NXPH1: variants seen among roughly 807,000 people sequenced by gnomAD.
NXPH1 encodes the protein neurexophilin-1.
Under a neutral mutation model 23.7 loss-of-function variants are expected in NXPH1, and 5 were observed. That is an observed-to-expected ratio of 0.21 (90% CI 0.11 to 0.44). The LOEUF is 0.44. Among genes scored for constraint, NXPH1 ranks in the 20% least tolerant of loss-of-function variants. The pLI is 0.99. For missense variants in NXPH1, 324 were observed against 321.6 expected (o/e 1.01, Z -0.06); for synonymous variants, 144 against 122.2 (o/e 1.18, Z -1.18).
At chr7:8,603,194 T>A (rs1002862340) in intron 2 of NXPH1, among the ~76,000 whole-genome samples, 1 of 152,196 alleles carries the variant, frequency 6.6e-6, no homozygotes, top group Non-Finnish European at 1.5e-5. Context: ...GAATTGTTAT[T>A]GACTGTAAGT....
In NXPH1 at chr7:8,442,255, C is replaced by T. The variant is rs894471118; in HGVS notation, c.54+6488C>T. ...GCCTCATCTGCATGAGAATGGAGAA[C>T]CGGGAGGCTTTTCTTGTACTGTTTC... On this transcript the variant is annotated intron_variant, in intron 2 of 2. Coordinates refer to ENST00000405863, the MANE Select transcript of NXPH1 (RefSeq NM_152745.3). This position sits in a 1 kb window ranked among gnomAD's most constrained non-coding sequence, Gnocchi z 4.6. Among the ~76,000 whole-genome samples, 2 of 152,220 alleles carry T rather than the reference C, an allele frequency of 1.3e-5. No individual in the cohort carries two copies. Among genetic ancestry groups the T allele is most frequent in the Non-Finnish European group, 2.9e-5 (2 of 68,038 alleles).
intron 2 of NXPH1, among the ~76,000 whole-genome samples, chr7:8,486,861 CT>C (rs1817167577): frequency 6.6e-6 from 1 of 152,120 alleles, no homozygotes; most frequent in South Asian, 2.1e-4. Flanking sequence ...TTAAATATAA[CT>C]TCCTTAGTTA....
At chr7:8,626,695 A>G (rs1168189737) in intron 2 of NXPH1, among the ~76,000 whole-genome samples, 1 of 151,998 alleles carries the variant, frequency 6.6e-6, no homozygotes, top group Non-Finnish European at 1.5e-5. Flanking sequence ...GCCCTTCAGG[A>G]TCTGGTCCTT....
intron 2 of NXPH1, among the ~76,000 whole-genome samples, chr7:8,669,629 G>A (rs1820835145): frequency 6.6e-6 from 1 of 152,140 alleles, no homozygotes; most frequent in Admixed American, 6.5e-5. Flanking sequence ...CTGAGGTTCA[G>A]TCTGAGGTCT....
intron 2 of NXPH1, among the ~76,000 whole-genome samples, chr7:8,634,227 G>A (rs1349447067): frequency 6.6e-6 from 1 of 152,014 alleles, no homozygotes; most frequent in Non-Finnish European, 1.5e-5. Context: ...GTTTTCCCAT[G>A]CTGTTCTCAT....
At chr7:8,461,660 C>G (rs1009294682) in intron 2 of NXPH1, among the ~76,000 whole-genome samples, 7 of 150,140 alleles carry the variant, frequency 4.7e-5, no homozygotes, top group South Asian at 4.3e-4. Flanking sequence ...GAAACCCCGT[C>G]TCTACTAAAA....
Position 8,737,179 on chromosome 7 carries a change from C to G in NXPH1, c.55-13829C>G, listed in dbSNP as rs144269323. Among the ~76,000 whole-genome samples, 60 of 152,140 alleles carry G rather than the reference C, an allele frequency of 3.9e-4. No individual in the cohort carries two copies. In the East Asian group the frequency reaches 7.3e-3, roughly 19 times the overall value. ...TGAATTTGATCATGTCAGTATGATG[C>G]TAGCTGGTTATTTTGCCTGTTACTT... On this transcript the variant is annotated intron_variant, in intron 2 of 2. Coordinates refer to ENST00000405863, the MANE Select transcript of NXPH1 (RefSeq NM_152745.3).
Position 8,751,034 on chromosome 7 carries a change from T to A in NXPH1, c.81T>A (p.Gly27=). 1 of 1,613,678 alleles carries A rather than the reference T, an allele frequency of 6.2e-7. No homozygotes were observed. The highest frequency in any genetic ancestry group is 1.7e-5 in the Admixed American group (1 of 59,982). ...TCACATGTGCCAATTTAACGAACGG[T>A]GGAAAGTCAGAACTTCTGAAATCAG... The part of the protein sequence containing the change: ...YLVTCANLTN[G]GKSELLKSGS... Residue 27 remains glycine (G), a synonymous_variant, in exon 3 of 3, where the codon GGT becomes GGA. Coordinates refer to ENST00000405863, the MANE Select transcript of NXPH1 (RefSeq NM_152745.3). This position sits in a 1 kb window ranked among gnomAD's most constrained non-coding sequence, Gnocchi z 4.5.
intron 2 of NXPH1, among the ~76,000 whole-genome samples, chr7:8,640,507 TCTTTA>T (rs1178325363): frequency 6.6e-6 from 1 of 152,020 alleles, no homozygotes; most frequent in Non-Finnish European, 1.5e-5. Flanking sequence ...ATCCTGTACT[TCTTTA>T]CTTGTCTTTA....
intron 2 of NXPH1, among the ~76,000 whole-genome samples, chr7:8,586,485 A>G (rs1178073428): frequency 6.6e-6 from 1 of 152,074 alleles, no homozygotes; most frequent in African/African-American, 2.4e-5. Flanking sequence ...GAATACTGTG[A>G]TGGTCAGAGA....
intron 2 of NXPH1, among the ~76,000 whole-genome samples, chr7:8,532,417 T>C (rs1439840184): frequency 7.1e-6 from 1 of 141,682 alleles, no homozygotes; most frequent in Non-Finnish European, 1.5e-5. Context: ...GTTGGTTTCT[T>C]ATTGGAGCAA....
intron 2 of NXPH1, among the ~76,000 whole-genome samples, chr7:8,555,698 T>C (rs17151091): frequency 0.049 from 7,454 of 151,806 alleles, 624 homozygotes; most frequent in African/African-American, 0.17. Context: ...TGCTAGAATT[T>C]AGGCAGTTTC....
At chr7:8,650,323 T>C (rs1820471589) in intron 2 of NXPH1, among the ~76,000 whole-genome samples, 1 of 152,208 alleles carries the variant, frequency 6.6e-6, no homozygotes, top group Non-Finnish European at 1.5e-5. Context: ...TATGTGATAT[T>C]CATCTACATA....
intron 2 of NXPH1, among the ~76,000 whole-genome samples, chr7:8,727,592 G>A (rs1780078195): frequency 1.3e-5 from 2 of 152,080 alleles, no homozygotes; most frequent in Non-Finnish European, 2.9e-5. Context: ...TATTAAATAG[G>A]GAATCCTTTC....
intron 2 of NXPH1, among the ~76,000 whole-genome samples, chr7:8,655,873 G>C (rs1249273988): frequency 6.6e-6 from 1 of 152,124 alleles, no homozygotes; most frequent in East Asian, 1.9e-4. Context: ...ATCTTTCCTT[G>C]ATCTCTAGCA....
At chr7:8,466,736 T>G (rs1816792688) in intron 2 of NXPH1, among the ~76,000 whole-genome samples, 1 of 152,200 alleles carries the variant, frequency 6.6e-6, no homozygotes, top group Admixed American at 6.5e-5. Flanking sequence ...TTGAAGAAAC[T>G]TTGGGAAGTC....
intron 2 of NXPH1, among the ~76,000 whole-genome samples, chr7:8,746,860 C>T (rs1780478607): frequency 8.2e-6 from 1 of 121,860 alleles, no homozygotes; most frequent in African/African-American, 3.0e-5. Context: ...TCCCCCACAG[C>T]ATGCTTTTTT....
intron 2 of NXPH1, among the ~76,000 whole-genome samples, chr7:8,589,303 C>T (rs145439865): frequency 1.3e-5 from 2 of 152,164 alleles, no homozygotes; most frequent in East Asian, 3.9e-4. Context: ...CGGTCACTTG[C>T]ATCATATTAA....
At chr7:8,718,832 C>A (rs182680066) in intron 2 of NXPH1, among the ~76,000 whole-genome samples, 1 of 152,082 alleles carries the variant, frequency 6.6e-6, no homozygotes, top group African/African-American at 2.4e-5. Context: ...TTTATAACAC[C>A]CTTTTTGTAT....
Sources: gnomAD v4.1 joint callset for allele counts (sites outside exome capture counted in the v4.1 genomes callset) on GRCh38, gnomAD v4.1.1 for gene constraint, Gnocchi (gnomAD v3.1) non-coding constraint, MANE v1.5 for transcripts, NCBI Gene and HGNC (gene_info 2026-07-23, HGNC 2026-07-21) for gene names.